ADAMTSL1: variants seen among roughly 807,000 people sequenced by gnomAD.
The protein encoded by ADAMTSL1 is ADAMTS like 1.
ADAMTSL1 carries 126 observed loss-of-function variants against 201.8 expected under a neutral mutation model. The ratio of observed to expected loss-of-function variants is 0.62; its 90% confidence interval spans 0.54 to 0.72. The LOEUF (loss-of-function observed/expected upper bound fraction) is 0.72, where lower values mean the gene tolerates loss of function less well. Ranked by LOEUF, ADAMTSL1 falls within the 30% of genes least tolerant of loss-of-function variation. ADAMTSL1 has a pLI of 0.00. For missense variants in ADAMTSL1, 2,679 were observed against 2,277.8 expected (o/e 1.18, Z -3.59); for synonymous variants, 1,121 against 903.4 (o/e 1.24, Z -4.32).
intron 5 of ADAMTSL1, among the ~76,000 whole-genome samples, chr9:18,634,042 A>G (rs1377643819): frequency 1.3e-5 from 2 of 152,158 alleles, no homozygotes; most frequent in Non-Finnish European, 2.9e-5. Flanking sequence ...ATTTATATCT[A>G]GTCACGACAA....
intron 6 of ADAMTSL1, among the ~76,000 whole-genome samples, chr9:18,637,757 G>A (rs1390712856): frequency 6.6e-6 from 1 of 151,998 alleles, no homozygotes; most frequent in African/African-American, 2.4e-5. Flanking sequence ...CCCAGAAGCT[G>A]GTACAGTGTG....
At chr9:18,237,548 A>G (rs1036216936) in intron 2 of ADAMTSL1, among the ~76,000 whole-genome samples, 2 of 152,212 alleles carry the variant, frequency 1.3e-5, no homozygotes, top group Non-Finnish European at 2.9e-5. Flanking sequence ...GCTCACTACT[A>G]TACAAACCTA....
At chr9:18,612,475 G>C (rs547790349) in intron 4 of ADAMTSL1, among the ~76,000 whole-genome samples, 1 of 152,098 alleles carries the variant, frequency 6.6e-6, no homozygotes, top group South Asian at 2.1e-4. Flanking sequence ...CTGTATGCCA[G>C]GCACTGTTCT....
intron 1 of ADAMTSL1, among the ~76,000 whole-genome samples, chr9:17,944,829 G>C (rs1827389490): frequency 7.6e-6 from 1 of 132,118 alleles, no homozygotes; most frequent in East Asian, 2.2e-4. Flanking sequence ...ATGGATTAAA[G>C]ACTTACATGT....
At chr9:17,950,000 C>T (rs970495804) in intron 1 of ADAMTSL1, among the ~76,000 whole-genome samples, 3 of 152,050 alleles carry the variant, frequency 2.0e-5, no homozygotes, top group African/African-American at 7.2e-5. Flanking sequence ...CTCACTGCAA[C>T]CTCTGTCTCC....
chr9:18,549,889 T>C (rs930218203), intron 3 of ADAMTSL1, among the ~76,000 whole-genome samples: 4 of 151,922 alleles, frequency 2.6e-5, no homozygotes, highest in African/African-American at 9.7e-5. Flanking sequence ...GAAATGAATA[T>C]CAAGTTTCAT....
intron 1 of ADAMTSL1, among the ~76,000 whole-genome samples, chr9:18,032,052 C>T (rs997291740): frequency 2.0e-5 from 3 of 152,170 alleles, no homozygotes; most frequent in Non-Finnish European, 4.4e-5. Context: ...GGAGCAGGCC[C>T]GCCCAGCTAG....
chr9:18,065,527 A>G (rs574702252), intron 1 of ADAMTSL1, among the ~76,000 whole-genome samples: 16 of 152,334 alleles, frequency 1.1e-4, no homozygotes, highest in Admixed American at 7.2e-4. Flanking sequence ...TATCACCACC[A>G]TAAGTGAAAA....
chr9:18,264,141 A>G (rs942288197), intron 2 of ADAMTSL1, among the ~76,000 whole-genome samples: 1 of 152,116 alleles, frequency 6.6e-6, no homozygotes, highest in African/African-American at 2.4e-5. Context: ...ATTTTTGGTC[A>G]TTGTCTATTC....
chr9:18,476,705 A>G (rs1410860661), intron 1 of ADAMTSL1, among the ~76,000 whole-genome samples: 13 of 152,062 alleles, frequency 8.5e-5, no homozygotes, highest in Admixed American at 7.9e-4. Context: ...TACACATTGC[A>G]AGGATTCTGT....
At chr9:18,594,186 C>G (rs945642176) in intron 4 of ADAMTSL1, among the ~76,000 whole-genome samples, 2 of 151,944 alleles carry the variant, frequency 1.3e-5, no homozygotes, top group Non-Finnish European at 2.9e-5. Flanking sequence ...AGCGTATTTT[C>G]CCACTCCTTC....
At position 18,338,267 on chromosome 9, in the gene ADAMTSL1, C is replaced by A. The variant is rs1031144042; in HGVS notation, c.208-166562C>A. On this transcript the variant is annotated intron_variant, in intron 2 of 29. Transcript: ENST00000680146. ...GAAAAGAGTCATCAGCCTGGAATTC[C>A]CTTGGTCTCCTACCACCAACAGATG... Among the ~76,000 whole-genome samples the A allele has an allele frequency of 6.3e-4, 96 of 152,172 alleles. 1 individual carries two copies. Among genetic ancestry groups the A allele is most frequent in the African/African-American group, 2.2e-3 (90 of 41,512 alleles).
chr9:18,502,604 T>C (rs1822901206), intron 1 of ADAMTSL1, among the ~76,000 whole-genome samples: 1 of 152,182 alleles, frequency 6.6e-6, no homozygotes, highest in South Asian at 2.1e-4. Flanking sequence ...TTAATAATCC[T>C]AAAAACCAGG....
chr9:18,315,696 C>A (rs4606157), intron 2 of ADAMTSL1, among the ~76,000 whole-genome samples: 80 of 151,852 alleles, frequency 5.3e-4, no homozygotes, highest in Middle Eastern at 3.4e-3. Context: ...GCCCCAGTTC[C>A]CGCCCGCGCC....
At chr9:18,724,167 T>G (rs981032216) in intron 15 of ADAMTSL1, among the ~76,000 whole-genome samples, 1 of 152,224 alleles carries the variant, frequency 6.6e-6, no homozygotes, top group Non-Finnish European at 1.5e-5. Context: ...CAAGTCTTAG[T>G]CACTGGGCCT....
chr9:18,283,486 G>T (rs1298236728), intron 2 of ADAMTSL1, among the ~76,000 whole-genome samples: 1 of 151,196 alleles, frequency 6.6e-6, no homozygotes, highest in Non-Finnish European at 1.5e-5. Flanking sequence ...CACACCTGTA[G>T]TCACAGCTAC....
At chr9:18,457,812 T>G (rs1820664676) in intron 2 of ADAMTSL1, among the ~76,000 whole-genome samples, 1 of 152,210 alleles carries the variant, frequency 6.6e-6, no homozygotes, top group Admixed American at 6.5e-5. Flanking sequence ...GAATTCCTAA[T>G]TGCAGTTTTC....
chr9:18,608,939 A>G (rs1351353922), intron 4 of ADAMTSL1, among the ~76,000 whole-genome samples: 2 of 152,158 alleles, frequency 1.3e-5, no homozygotes, highest in Non-Finnish European at 2.9e-5. Flanking sequence ...AAAATAAATA[A>G]ATTTTGAATA....
intron 1 of ADAMTSL1, among the ~76,000 whole-genome samples, chr9:18,061,644 G>C (rs543301098): frequency 6.6e-6 from 1 of 152,168 alleles, no homozygotes; most frequent in Non-Finnish European, 1.5e-5. Context: ...GAGAAGCTGG[G>C]ATTTTGCTAT....
Sources: allele counts gnomAD v4.1 joint callset (sites outside exome capture counted in the v4.1 genomes callset), GRCh38; gene constraint gnomAD v4.1.1; transcripts MANE v1.5; gene names NCBI Gene and HGNC (gene_info 2026-07-23, HGNC 2026-07-21).